Variants in GRIN2B observed in about 807,000 individuals in gnomAD.
The protein encoded by GRIN2B is glutamate receptor ionotropic, NMDA 2B.
Under a neutral mutation model 114.5 loss-of-function variants are expected in GRIN2B, and 5 were observed. That is an observed-to-expected ratio of 0.04 (90% confidence interval 0.02 to 0.09). GRIN2B has a LOEUF of 0.09. GRIN2B is among the 10% of genes least tolerant of loss of function. GRIN2B has a pLI of 1.00. For synonymous variants in GRIN2B, 787 were observed against 745.1 expected (o/e 1.06, Z -0.92); for missense variants, 1,108 against 1,943.5 (o/e 0.57, Z 8.08).
At chr12:13,675,617 A>T in intron 5 of GRIN2B, 128 bp downstream of exon 5, 1 of 728,752 alleles carries the variant, frequency 1.4e-6, no homozygotes, top group Non-Finnish European at 2.5e-6. Flanking sequence ...TCTCCTGTGT[A>T]TCAAGGTATT....
intron 3 of GRIN2B, among the ~76,000 whole-genome samples, chr12:13,780,823 G>T (rs1485191846): frequency 7.0e-6 from 1 of 143,138 alleles, no homozygotes; most frequent in African/African-American, 2.6e-5. Flanking sequence ...TATTGTAAGG[G>T]CAGGTTTTGC....
intron 2 of GRIN2B, among the ~76,000 whole-genome samples, chr12:13,929,017 C>T (rs1419094944): frequency 6.6e-6 from 1 of 152,078 alleles, no homozygotes; most frequent in African/African-American, 2.4e-5. Flanking sequence ...ATGATTTTTC[C>T]CATTTTATGG....
Position 13,563,939 on chromosome 12 carries a change from C to G in GRIN2B, c.3299G>C (p.Arg1100Thr), listed in dbSNP as rs751163711. Residue 1100 changes from arginine to threonine, a missense_variant, in exon 14 of 14, where the codon AGG becomes ACG. Physicochemically the swap from Arg to Thr is moderately conservative, Grantham distance 71 (BLOSUM62 -1). Coordinates refer to ENST00000609686, the MANE Select transcript of GRIN2B (RefSeq NM_000834.5). The stretch of plus-strand genomic sequence containing the variant: ...GGCCAGCTCGATCTCGTCAAACTCC[C>G]TGCGGGACTTGGCCGAGGCAGGCCG... ...KKRPASAKSR[R>T]EFDEIELAYR... 1 of 1,614,190 alleles carries G rather than the reference C, an allele frequency of 6.2e-7. No homozygotes were observed. The highest frequency in any genetic ancestry group is 8.5e-7 in the Non-Finnish European group (1 of 1,180,032).
At chr12:13,916,818 A>C (rs1866739574) in intron 2 of GRIN2B, among the ~76,000 whole-genome samples, 1 of 150,746 alleles carries the variant, frequency 6.6e-6, no homozygotes, top group Admixed American at 6.6e-5. Flanking sequence ...GTTAGTAACA[A>C]TGCTATAGCA....
intron 4 of GRIN2B, among the ~76,000 whole-genome samples, chr12:13,680,490 T>C (rs1950120294): frequency 7.3e-6 from 1 of 137,184 alleles, no homozygotes; most frequent in South Asian, 2.3e-4. Context: ...GTGTGTATTT[T>C]AAATTGCTTG....
chr12:13,889,574 C>A (rs376952843), intron 2 of GRIN2B, among the ~76,000 whole-genome samples: 2 of 152,068 alleles, frequency 1.3e-5, no homozygotes, highest in East Asian at 3.9e-4. Context: ...GGACAAATCA[C>A]GAGCAAGAGG....
chr12:13,874,477 TC>T (rs1865964927), intron 2 of GRIN2B, among the ~76,000 whole-genome samples: 1 of 152,238 alleles, frequency 6.6e-6, no homozygotes, highest in Non-Finnish European at 1.5e-5. Context: ...CACGGGTTTT[TC>T]TTTTTTCCTT....
At chr12:13,703,036 C>T (rs1352715497) in intron 4 of GRIN2B, among the ~76,000 whole-genome samples, 2 of 152,096 alleles carry the variant, frequency 1.3e-5, no homozygotes, top group Admixed American at 6.6e-5. Context: ...GGAATGGACA[C>T]GTTAAAAAAT....
intron 2 of GRIN2B, among the ~76,000 whole-genome samples, chr12:13,872,176 C>T (rs1865921218): frequency 6.6e-6 from 1 of 152,032 alleles, no homozygotes; most frequent in Non-Finnish European, 1.5e-5. Flanking sequence ...TAAACCCCTT[C>T]CACTTATGGA....
At chr12:13,840,946 C>T (rs1240723398) in intron 3 of GRIN2B, among the ~76,000 whole-genome samples, 2 of 152,190 alleles carry the variant, frequency 1.3e-5, no homozygotes, top group Non-Finnish European at 2.9e-5. Flanking sequence ...TTGTTCCTCA[C>T]TATGAGTATG....
chr12:13,826,662 C>T (rs1449611603), intron 3 of GRIN2B, among the ~76,000 whole-genome samples: 2 of 151,860 alleles, frequency 1.3e-5, no homozygotes, highest in Admixed American at 1.3e-4. Context: ...TTGGGATTTA[C>T]TGAACTTATC....
rs1652873606 is a variant in GRIN2B at position 13,815,148 on chromosome 12, C to T, written c.411+50650G>A. ...GACCTAGATGTAGCACAATGCTATA[C>T]ACATAGGAACCATCAGTGGCCGAAT... is the stretch of plus-strand genomic sequence containing the variant. On this transcript the variant is annotated intron_variant, in intron 3 of 13. Coordinates refer to ENST00000609686, the MANE Select transcript of GRIN2B (RefSeq NM_000834.5). Among the ~76,000 whole-genome samples, 2 of 152,146 alleles carry T rather than the reference C, an allele frequency of 1.3e-5. 1 individual carries two copies. Among genetic ancestry groups the T allele is most frequent in the South Asian group, 4.1e-4 (2 of 4,836 alleles).
intron 2 of GRIN2B, among the ~76,000 whole-genome samples, chr12:13,885,868 A>T (rs376899270): frequency 1.8e-4 from 28 of 152,238 alleles, no homozygotes; most frequent in Non-Finnish European, 3.8e-4. Flanking sequence ...CTCAAAATAA[A>T]ATCTGCAAGC....
chr12:13,866,504 TTG>T (rs1865831419), intron 2 of GRIN2B, among the ~76,000 whole-genome samples: 1 of 152,044 alleles, frequency 6.6e-6, no homozygotes, highest in African/African-American at 2.4e-5. Flanking sequence ...GGAAAAGAGG[TTG>T]TGAGTGGTCC....
rs572180864 is a variant in GRIN2B at position 13,980,043 on chromosome 12, G to A, written c.-134C>T. On this transcript the variant is annotated 5_prime_UTR_variant, in exon 2 of 14. Transcript: ENST00000609686. ...CACATAAGAAAGACGAAGGATAAATGAACGGAAGATAATTTAAAATCCAAT... is the reference window on the plus strand; with the variant it reads ...CACATAAGAAAGACGAAGGATAAATAAACGGAAGATAATTTAAAATCCAAT... 1 of 152,118 alleles carries A rather than the reference G, an allele frequency of 6.6e-6. No homozygotes were observed. Among genetic ancestry groups the A allele is most frequent in the East Asian group, 1.9e-4 (1 of 5,174 alleles). The allele number at this position is 152,118 out of a possible 1,614,324, so 9.4% of individuals were successfully genotyped here.
intron 10 of GRIN2B, among the ~76,000 whole-genome samples, chr12:13,578,921 A>C (rs184782969): frequency 1.8e-3 from 279 of 152,246 alleles, no homozygotes; most frequent in Non-Finnish European, 3.1e-3. Context: ...GGAAACAGCA[A>C]ATGCAAAGGT....
intron 3 of GRIN2B, among the ~76,000 whole-genome samples, chr12:13,852,173 C>T (rs1413800609): frequency 6.6e-6 from 1 of 152,198 alleles, no homozygotes; most frequent in Non-Finnish European, 1.5e-5. Flanking sequence ...TGGCTGGCTG[C>T]ACCATTGTGC....
chr12:13,671,584 C>G (rs1950022623), intron 5 of GRIN2B, among the ~76,000 whole-genome samples: 1 of 152,168 alleles, frequency 6.6e-6, no homozygotes, highest in Non-Finnish European at 1.5e-5. Flanking sequence ...GGAGTTGGGC[C>G]TCCCTGACAA....
At chr12:13,764,158 A>T (rs1197060452) in intron 3 of GRIN2B, among the ~76,000 whole-genome samples, 1 of 149,078 alleles carries the variant, frequency 6.7e-6, no homozygotes, top group Non-Finnish European at 1.5e-5. Context: ...CCTAGAAAAG[A>T]GCCTATCCTT....
Sources: allele counts gnomAD v4.1 joint callset (sites outside exome capture counted in the v4.1 genomes callset), GRCh38; gene constraint gnomAD v4.1.1; transcripts MANE v1.5; gene names NCBI Gene and HGNC (gene_info 2026-07-23, HGNC 2026-07-21).